Variants in MARCHF1 observed in about 807,000 individuals in gnomAD.
MARCHF1 encodes the protein membrane associated ring-CH-type finger 1, also known as E3 ubiquitin-protein ligase MARCHF1.
MARCHF1 carries 40 observed loss-of-function variants against 54.2 expected under a neutral mutation model. The ratio of observed to expected loss-of-function variants is 0.74; its 90% CI spans 0.57 to 0.96. The LOEUF (loss-of-function observed/expected upper bound fraction) is 0.96, where lower values mean the gene tolerates loss of function less well. MARCHF1 is among the 40% of genes least tolerant of loss of function. The pLI is 0.00. For synonymous variants in MARCHF1, 236 were observed against 236.3 expected (o/e 1.00, Z 0.01); for missense variants, 586 against 656.5 (o/e 0.89, Z 1.17).
chr4:164,244,900 T>G (rs1732893695), intron 1 of MARCHF1, among the ~76,000 whole-genome samples: 1 of 151,850 alleles, frequency 6.6e-6, no homozygotes, highest in Non-Finnish European at 1.5e-5. Context: ...CTCCCAAGAC[T>G]AAACCAGGAA....
intron 4 of MARCHF1, among the ~76,000 whole-genome samples, chr4:163,775,407 T>C (rs1747277303): frequency 6.6e-6 from 1 of 152,200 alleles, no homozygotes; most frequent in Non-Finnish European, 1.5e-5. Context: ...GAATAGGACT[T>C]TTTGCTTGGT....
intron 5 of MARCHF1, among the ~76,000 whole-genome samples, chr4:163,678,688 G>A (rs576724996): frequency 6.6e-6 from 1 of 152,236 alleles, no homozygotes; most frequent in East Asian, 1.9e-4. Flanking sequence ...CATTGCCTGT[G>A]TCTCTTTGGG....
chr4:163,819,039 T>G (rs1488304709), intron 4 of MARCHF1, among the ~76,000 whole-genome samples: 1 of 152,118 alleles, frequency 6.6e-6, no homozygotes, highest in East Asian at 1.9e-4. Context: ...TGATCCATCA[T>G]CAGCATGGCC....
At position 164,176,939 on chromosome 4, in the gene MARCHF1, GCGCTCTCTCTCTCT is replaced by G. The variant is rs1192041646; in HGVS notation, c.-322-65291_-322-65278del. 3.4e-3 allele frequency among the ~76,000 whole-genome samples: 183 copies of G among 53,668 alleles called. 4 individuals carry two copies. Among genetic ancestry groups the G allele is most frequent in the Middle Eastern group, 0.012 (1 of 82 alleles). The allele number at this position is 53,668 out of a possible 152,430, so 35.2% of individuals were successfully genotyped here. A position where few individuals can be genotyped will look rare whatever the true frequency, so the allele number is the denominator to read the frequency against. The stretch of plus-strand genomic sequence containing the variant: ...TTTGTTATTTATCTGAGTACCTTGT[GCGCTCTCTCTCTCT>G]CTCTCTCTCTCTCTCTCTCTCTCTC... On this transcript the variant is annotated intron_variant, in intron 1 of 9. Coordinates refer to ENST00000514618, the MANE Select transcript of MARCHF1 (RefSeq NM_001394959.1).
At chr4:163,824,456 G>A (rs938645880) in intron 4 of MARCHF1, among the ~76,000 whole-genome samples, 1 of 145,298 alleles carries the variant, frequency 6.9e-6, no homozygotes, top group Non-Finnish European at 1.5e-5. Context: ...GCTGAAACTG[G>A]ATCCCTTCCT....
intron 1 of MARCHF1, among the ~76,000 whole-genome samples, chr4:164,371,859 A>G (rs1291479428): frequency 6.6e-6 from 1 of 152,206 alleles, no homozygotes; most frequent in African/African-American, 2.4e-5. Flanking sequence ...AGTACCTATA[A>G]CTAATTTAGA....
chr4:163,800,229 A>G (rs1276533124), intron 4 of MARCHF1, among the ~76,000 whole-genome samples: 4 of 152,096 alleles, frequency 2.6e-5, no homozygotes, highest in Non-Finnish European at 4.4e-5. Context: ...GCATCACACA[A>G]TATAGCCAAA....
chr4:163,757,179 C>G (rs1324265839), intron 4 of MARCHF1, among the ~76,000 whole-genome samples: 1 of 152,194 alleles, frequency 6.6e-6, no homozygotes, highest in Admixed American at 6.5e-5. Context: ...CAAACACAAA[C>G]TCATTCTCAA....
At chr4:164,021,288 T>G (rs1417757538) in intron 2 of MARCHF1, among the ~76,000 whole-genome samples, 1 of 152,138 alleles carries the variant, frequency 6.6e-6, no homozygotes, top group African/African-American at 2.4e-5. Context: ...AGGCAGCATC[T>G]CTCTTCCAGG....
In MARCHF1 at chr4:164,207,548, T is replaced by G. The variant is rs567057439; in HGVS notation, c.-322-95886A>C. On this transcript the variant is annotated intron_variant, in intron 1 of 9. Transcript: ENST00000514618. ...CAGTTTTGACTGGGCCGGAAAGAGA[T>G]AAAACCTCACTGAAGGTTTGGAGTC... Among the ~76,000 whole-genome samples, 4 of 152,314 alleles carry G rather than the reference T, an allele frequency of 2.6e-5. No homozygotes were observed. In the East Asian group the frequency reaches 7.7e-4, roughly 29 times the overall value.
chr4:164,316,405 G>C (rs1287819033), intron 1 of MARCHF1, among the ~76,000 whole-genome samples: 1 of 152,050 alleles, frequency 6.6e-6, no homozygotes, highest in African/African-American at 2.4e-5. Context: ...CATTTTAAGA[G>C]GGCAACAAAT....
intron 2 of MARCHF1, among the ~76,000 whole-genome samples, chr4:164,095,152 T>A (rs546203310): frequency 6.6e-6 from 1 of 152,198 alleles, no homozygotes; most frequent in Non-Finnish European, 1.5e-5. Context: ...AGAGGTCTCC[T>A]TGAGTATAAA....
chr4:163,852,496 A>G (rs1749668409), intron 4 of MARCHF1, among the ~76,000 whole-genome samples: 1 of 152,208 alleles, frequency 6.6e-6, no homozygotes, highest in Non-Finnish European at 1.5e-5. Flanking sequence ...TAGTAGTGTT[A>G]ACTCATGCCC....
chr4:163,698,337 G>GTAGTC (rs1744698099), intron 5 of MARCHF1, among the ~76,000 whole-genome samples: 1 of 152,152 alleles, frequency 6.6e-6, no homozygotes, highest in Non-Finnish European at 1.5e-5. Context: ...TGTAGTCAAT[G>GTAGTC]AATAGTTTTC....
At chr4:163,813,336 C>G (rs1240817989) in intron 4 of MARCHF1, among the ~76,000 whole-genome samples, 12 of 152,154 alleles carry the variant, frequency 7.9e-5, no homozygotes, top group Admixed American at 7.9e-4. Context: ...GTATGTTAGT[C>G]AATGTCTTGC....
intron 3 of MARCHF1, among the ~76,000 whole-genome samples, chr4:163,879,684 G>A (rs1038412947): frequency 1.5e-5 from 2 of 136,378 alleles, no homozygotes; most frequent in Non-Finnish European, 3.3e-5. Flanking sequence ...ACTATGGAAG[G>A]GGGTAAGATT....
At position 163,612,531 on chromosome 4, in the gene MARCHF1, C is replaced by T. The variant is rs2110929623; in HGVS notation, c.750G>A (p.Gly250=). ...YQECNPSLTQ[G]SSEIKRSSRN... Reference sequence around the variant, plus strand: ...TTGAGGATCTCTTAATTTCAGAGGACCCTTGAGTCAGAGAAGGGTTGCATT... The same window carrying T: ...TTGAGGATCTCTTAATTTCAGAGGATCCTTGAGTCAGAGAAGGGTTGCATT... The change falls in exon 7 of 10, where the codon GGG becomes GGA. Residue 250 remains glycine (G), a synonymous_variant. Transcript: ENST00000514618. 13 of 1,535,394 alleles carry T rather than the reference C, an allele frequency of 8.5e-6. No individual in the cohort carries two copies. The highest frequency in any genetic ancestry group is 1.0e-5 in the Non-Finnish European group (12 of 1,146,516).
intron 1 of MARCHF1, among the ~76,000 whole-genome samples, chr4:164,265,065 CTA>C (rs1213685486): frequency 2.6e-5 from 4 of 151,966 alleles, no homozygotes; most frequent in South Asian, 4.1e-4. Flanking sequence ...GATTCATACT[CTA>C]TATGTTATTA....
chr4:163,889,928 T>C (rs1357762412), intron 3 of MARCHF1, among the ~76,000 whole-genome samples: 1 of 140,164 alleles, frequency 7.1e-6, no homozygotes, highest in Non-Finnish European at 1.5e-5. Flanking sequence ...TCTTTTTTCT[T>C]TTTTTTTTTT....
Sources: allele counts gnomAD v4.1 joint callset (sites outside exome capture counted in the v4.1 genomes callset), GRCh38; gene constraint gnomAD v4.1.1; transcripts MANE v1.5; gene names NCBI Gene and HGNC (gene_info 2026-07-23, HGNC 2026-07-21).